CTNNA2: variants seen among roughly 807,000 people sequenced by gnomAD.
CTNNA2 encodes the protein catenin alpha-2.
CTNNA2 carries 42 observed loss-of-function variants against 101.0 expected under a neutral mutation model. That is an observed-to-expected ratio of 0.42 (90% CI 0.32 to 0.54). The LOEUF (loss-of-function observed/expected upper bound fraction) is 0.54. Among genes scored for constraint, CTNNA2 ranks in the 20% least tolerant of loss-of-function variants. The probability of loss-of-function intolerance (pLI) is 0.14; values close to 1 mark genes in which losing one functional copy is unlikely to be tolerated. For missense variants in CTNNA2, 871 were observed against 1,223.1 expected (o/e 0.71, Z 4.29); for synonymous variants, 450 against 456.4 (o/e 0.99, Z 0.18).
At chr2:80,028,937 A>C (rs1695113264) in intron 7 of CTNNA2, among the ~76,000 whole-genome samples, 3 of 152,208 alleles carry the variant, frequency 2.0e-5, no homozygotes, top group Admixed American at 2.0e-4. Flanking sequence ...TGACCTCTGG[A>C]ACTATAAAAT....
At chr2:80,502,700 T>C (rs1687970294) in intron 9 of CTNNA2, among the ~76,000 whole-genome samples, 1 of 152,182 alleles carries the variant, frequency 6.6e-6, no homozygotes, top group Non-Finnish European at 1.5e-5. Flanking sequence ...ACCCTCTGCA[T>C]CTCTCAGCCA....
intron 7 of CTNNA2, among the ~76,000 whole-genome samples, chr2:80,357,844 C>T (rs1673989530): frequency 6.6e-6 from 1 of 152,034 alleles, no homozygotes; most frequent in African/African-American, 2.4e-5. Context: ...CTGCCTGACC[C>T]AGAACTGTGC....
intron 9 of CTNNA2, among the ~76,000 whole-genome samples, chr2:80,421,431 C>T (rs1164995639): frequency 1.3e-5 from 2 of 152,154 alleles, no homozygotes; most frequent in Non-Finnish European, 1.5e-5. Flanking sequence ...AACTTAACAT[C>T]TTGTGTAAAT....
chr2:79,961,132 A>G (rs927333109), intron 7 of CTNNA2, among the ~76,000 whole-genome samples: 5 of 152,210 alleles, frequency 3.3e-5, no homozygotes, highest in Admixed American at 6.5e-5. Context: ...AAATCTCAGG[A>G]TGTATTATAT....
At chr2:79,409,730 G>C (rs1346393322) in intron 4 of CTNNA2, among the ~76,000 whole-genome samples, 1 of 148,726 alleles carries the variant, frequency 6.7e-6, no homozygotes, top group South Asian at 2.2e-4. Flanking sequence ...AAGTCAGGTA[G>C]CGTGATGCCT....
At chr2:79,259,103 C>T (rs1480552908) in intron 2 of CTNNA2, among the ~76,000 whole-genome samples, 1 of 152,118 alleles carries the variant, frequency 6.6e-6, no homozygotes, top group Non-Finnish European at 1.5e-5. Flanking sequence ...TGATCAGATC[C>T]CTATTTCTAC....
At chr2:79,474,236 T>A (rs1474981983) in intron 4 of CTNNA2, among the ~76,000 whole-genome samples, 1 of 152,036 alleles carries the variant, frequency 6.6e-6, no homozygotes. Flanking sequence ...GGGAAAAAAA[T>A]GGAAACAACC....
intron 4 of CTNNA2, among the ~76,000 whole-genome samples, chr2:79,377,254 CT>C (rs1221070654): frequency 6.6e-6 from 1 of 152,094 alleles, no homozygotes; most frequent in African/African-American, 2.4e-5. Flanking sequence ...ATATGCTGAT[CT>C]TCATACAAGG....
At chr2:79,278,788 G>C (rs1284420830) in intron 2 of CTNNA2, among the ~76,000 whole-genome samples, 1 of 152,074 alleles carries the variant, frequency 6.6e-6, no homozygotes, top group Non-Finnish European at 1.5e-5. Context: ...TATCCAAGTT[G>C]AAGCCATCAG....
chr2:80,643,953 CAT>C (rs1558674402), intron 18 of CTNNA2, among the ~76,000 whole-genome samples: 1 of 152,158 alleles, frequency 6.6e-6, no homozygotes, highest in Non-Finnish European at 1.5e-5. Context: ...ACTTATCAGA[CAT>C]AGCCATGATG....
chr2:80,196,872 G>A (rs978178594), intron 7 of CTNNA2, among the ~76,000 whole-genome samples: 45 of 152,204 alleles, frequency 3.0e-4, no homozygotes, highest in African/African-American at 9.9e-4. Flanking sequence ...GCATTAAACA[G>A]TTCTTTAATG....
At chr2:80,157,139 C>T (rs1388668301) in intron 7 of CTNNA2, among the ~76,000 whole-genome samples, 1 of 152,126 alleles carries the variant, frequency 6.6e-6, no homozygotes, top group Non-Finnish European at 1.5e-5. Context: ...CTTCCTCAAT[C>T]TTTTCAGGTT....
chr2:80,627,543 T>G (rs1671810176), intron 18 of CTNNA2, among the ~76,000 whole-genome samples: 1 of 152,172 alleles, frequency 6.6e-6, no homozygotes, highest in Non-Finnish European at 1.5e-5. Context: ...TCATATCCTT[T>G]GCCCACTTTT....
intron 2 of CTNNA2, among the ~76,000 whole-genome samples, chr2:79,738,810 A>G (rs890262215): frequency 2.6e-5 from 4 of 152,216 alleles, no homozygotes; most frequent in Non-Finnish European, 2.9e-5. Flanking sequence ...GGAAAGAGAA[A>G]CGGACATTTT....
chr2:79,472,916 T>A (rs1573182597), intron 4 of CTNNA2, among the ~76,000 whole-genome samples: 1 of 152,340 alleles, frequency 6.6e-6, no homozygotes, highest in East Asian at 1.9e-4. Flanking sequence ...ACATTTTTAT[T>A]GCTTTCAAGT....
intron 7 of CTNNA2, among the ~76,000 whole-genome samples, chr2:80,368,317 A>G (rs1475653106): frequency 6.6e-6 from 1 of 152,162 alleles, no homozygotes; most frequent in African/African-American, 2.4e-5. Context: ...TAGACTGGGA[A>G]ATGTTGTCTA....
chr2:80,431,660 C>G (rs1482030940), intron 9 of CTNNA2, among the ~76,000 whole-genome samples: 1 of 152,146 alleles, frequency 6.6e-6, no homozygotes, highest in Non-Finnish European at 1.5e-5. Context: ...GTGAACTGAT[C>G]GGCAATATGG....
chr2:80,115,859 G>T (rs1701483248), intron 7 of CTNNA2, among the ~76,000 whole-genome samples: 2 of 152,242 alleles, frequency 1.3e-5, no homozygotes, highest in African/African-American at 2.4e-5. Flanking sequence ...GTTGACCAGG[G>T]TTTAGGTCCT....
At chr2:79,598,562 A>C (rs974783548) in intron 1 of CTNNA2, among the ~76,000 whole-genome samples, 1 of 152,196 alleles carries the variant, frequency 6.6e-6, no homozygotes, top group Non-Finnish European at 1.5e-5. Flanking sequence ...ATGACATACG[A>C]TGTGGAGCAT....
Sources: allele counts gnomAD v4.1 joint callset (sites outside exome capture counted in the v4.1 genomes callset), GRCh38; gene constraint gnomAD v4.1.1; transcripts MANE v1.5; gene names NCBI Gene and HGNC (gene_info 2026-07-23, HGNC 2026-07-21).